Variants in PLCXD3 observed in about 807,000 individuals in gnomAD.
The protein encoded by PLCXD3 is phosphatidylinositol specific phospholipase C X domain containing 3.
Under a neutral mutation model 25.5 loss-of-function variants are expected in PLCXD3, and 19 were observed. The ratio of observed to expected loss-of-function variants is 0.75; its 90% CI spans 0.52 to 1.09. The LOEUF (loss-of-function observed/expected upper bound fraction) is 1.09, where lower values mean the gene tolerates loss of function less well. Ranked by LOEUF, PLCXD3 falls within the 50% of genes least tolerant of loss-of-function variation. The pLI, the probability that PLCXD3 is intolerant of heterozygous loss-of-function variation, is 0.00. For synonymous variants in PLCXD3, 174 were observed against 137.6 expected (o/e 1.26, Z -1.85); for missense variants, 411 against 388.1 (o/e 1.06, Z -0.50).
chr5:41,474,567 C>A (rs192334373), intron 1 of PLCXD3, among the ~76,000 whole-genome samples: 4 of 152,138 alleles, frequency 2.6e-5, no homozygotes, highest in Non-Finnish European at 5.9e-5. Context: ...GTCCACTAAA[C>A]GCCATGGGTT....
chr5:41,382,904 T>C (rs1371216426), intron 1 of PLCXD3, among the ~76,000 whole-genome samples: 1 of 152,144 alleles, frequency 6.6e-6, no homozygotes, highest in Non-Finnish European at 1.5e-5. Flanking sequence ...AATACCCAAA[T>C]ACTTTGCAGT....
intron 2 of PLCXD3, among the ~76,000 whole-genome samples, chr5:41,376,313 G>A (rs1745295020): frequency 6.6e-6 from 1 of 152,060 alleles, no homozygotes; most frequent in Non-Finnish European, 1.5e-5. Context: ...AACACTTGCT[G>A]GCATGCCACT....
At chr5:41,500,237 C>T (rs542161822) in intron 1 of PLCXD3, among the ~76,000 whole-genome samples, 12 of 151,950 alleles carry the variant, frequency 7.9e-5, no homozygotes, top group African/African-American at 2.4e-4. Flanking sequence ...CTATAATATT[C>T]AGCCACAAAA....
intron 2 of PLCXD3, among the ~76,000 whole-genome samples, chr5:41,332,748 G>T (rs1415081050): frequency 6.6e-6 from 1 of 152,112 alleles, no homozygotes; most frequent in Non-Finnish European, 1.5e-5. Context: ...TATACGCCAT[G>T]GAATACTATA....
intron 1 of PLCXD3, among the ~76,000 whole-genome samples, chr5:41,461,094 T>C (rs957268990): frequency 6.6e-6 from 1 of 151,998 alleles, no homozygotes; most frequent in African/African-American, 2.4e-5. Flanking sequence ...AATCAAAACA[T>C]ATAATACATT....
intron 2 of PLCXD3, among the ~76,000 whole-genome samples, chr5:41,361,610 C>T (rs1175403206): frequency 6.6e-6 from 1 of 152,116 alleles, no homozygotes; most frequent in African/African-American, 2.4e-5. Flanking sequence ...GAACAAAGTG[C>T]CAAATGGAAT....
At chr5:41,484,070 C>A (rs985824726) in intron 1 of PLCXD3, among the ~76,000 whole-genome samples, 5 of 152,048 alleles carry the variant, frequency 3.3e-5, no homozygotes, top group African/African-American at 1.2e-4. Context: ...ACTTGCTCCA[C>A]TTTAGGAATC....
At chr5:41,322,333 A>C (rs1427328868) in intron 2 of PLCXD3, among the ~76,000 whole-genome samples, 1 of 152,252 alleles carries the variant, frequency 6.6e-6, no homozygotes, top group Non-Finnish European at 1.5e-5. Flanking sequence ...CATATGCTCA[A>C]CATCATTGAT....
At chr5:41,508,287 A>G (rs1749095097) in intron 1 of PLCXD3, among the ~76,000 whole-genome samples, 1 of 152,200 alleles carries the variant, frequency 6.6e-6, no homozygotes, top group African/African-American at 2.4e-5. Context: ...GGAAAGGAAA[A>G]TTACTGTGTT....
chr5:41,481,239 G>C (rs1748409135), intron 1 of PLCXD3, among the ~76,000 whole-genome samples: 1 of 152,022 alleles, frequency 6.6e-6, no homozygotes, highest in Admixed American at 6.6e-5. Context: ...CTGTAAAATG[G>C]GAATGATATT....
chr5:41,400,852 A>G (rs1007855587), intron 1 of PLCXD3, among the ~76,000 whole-genome samples: 51 of 152,032 alleles, frequency 3.4e-4, no homozygotes, highest in Non-Finnish European at 1.2e-4. Flanking sequence ...ATATAATTGG[A>G]TTGTTTGTAA....
chr5:41,347,323 G>T (rs558427934), intron 2 of PLCXD3, among the ~76,000 whole-genome samples: 1 of 152,148 alleles, frequency 6.6e-6, no homozygotes, highest in Non-Finnish European at 1.5e-5. Context: ...CTATTAAAAT[G>T]ATTTCTGGTT....
At chr5:41,376,942 A>G (rs1002392093) in intron 2 of PLCXD3, among the ~76,000 whole-genome samples, 1 of 152,142 alleles carries the variant, frequency 6.6e-6, no homozygotes, top group Non-Finnish European at 1.5e-5. Context: ...TCATTTAATA[A>G]GATGAAAACA....
chr5:41,412,277 A>T (rs539310389), intron 1 of PLCXD3, among the ~76,000 whole-genome samples: 1 of 152,198 alleles, frequency 6.6e-6, no homozygotes, highest in Non-Finnish European at 1.5e-5. Flanking sequence ...GTCTTCAAAC[A>T]TTGTTTAAAT....
chr5:41,441,622 A>G (rs954705602), intron 1 of PLCXD3, among the ~76,000 whole-genome samples: 4 of 152,178 alleles, frequency 2.6e-5, no homozygotes, highest in African/African-American at 9.7e-5. Flanking sequence ...GTAGATTTCT[A>G]TATGTTGGAC....
At chr5:41,462,182 C>T (rs1747891923) in intron 1 of PLCXD3, among the ~76,000 whole-genome samples, 1 of 152,128 alleles carries the variant, frequency 6.6e-6, no homozygotes, top group African/African-American at 2.4e-5. Context: ...AGGGTTGCTC[C>T]TAGTCCAGAT....
intron 1 of PLCXD3, among the ~76,000 whole-genome samples, chr5:41,440,544 C>T (rs1160958047): frequency 2.0e-5 from 3 of 151,928 alleles, no homozygotes; most frequent in East Asian, 3.9e-4. Context: ...AATACATAAT[C>T]TCTAATGGCT....
intron 1 of PLCXD3, among the ~76,000 whole-genome samples, chr5:41,433,980 G>A (rs1001555060): frequency 1.8e-4 from 28 of 152,198 alleles, no homozygotes; most frequent in African/African-American, 6.8e-4. Flanking sequence ...CCTGATGGGA[G>A]CCAATGGGAT....
chr5:41,488,802 T>G (rs1419198992), intron 1 of PLCXD3, among the ~76,000 whole-genome samples: 30 of 148,442 alleles, frequency 2.0e-4, no homozygotes, highest in East Asian at 1.6e-3. Context: ...TAAATTTGTT[T>G]GAGTTCATTG....
Sources: gnomAD v4.1 joint callset for allele counts (sites outside exome capture counted in the v4.1 genomes callset) on GRCh38, gnomAD v4.1.1 for gene constraint, MANE v1.5 for transcripts, NCBI Gene and HGNC (gene_info 2026-07-23, HGNC 2026-07-21) for gene names.